EVL: variants seen among roughly 807,000 people sequenced by gnomAD.
EVL encodes ena/VASP-like protein.
In EVL, 21 loss-of-function variants were observed where a neutral mutation model predicts 59.6. The ratio of observed to expected loss-of-function variants is 0.35; its 90% CI spans 0.25 to 0.51. The LOEUF is 0.51. Ranked by LOEUF, EVL falls within the 20% of genes least tolerant of loss-of-function variation. The pLI, the probability that EVL is intolerant of heterozygous loss-of-function variation, is 0.97. For synonymous variants in EVL, 198 were observed against 203.5 expected, an observed-to-expected ratio of 0.97 and a Z score of 0.23; for missense variants, 462 against 546.6, an observed-to-expected ratio of 0.85 and a Z score of 1.54.
rs918150928 is a variant in EVL at position 100,141,501 on chromosome 14, C to T, written c.1162-235C>T. Among the ~76,000 whole-genome samples the T allele has an allele frequency of 2.0e-5, 3 of 152,212 alleles. No individual in the cohort carries two copies. The South Asian group carries it at 6.2e-4, about 31-fold the overall frequency. On this transcript the variant is annotated intron_variant, in intron 12 of 13. Transcript: ENST00000392920. ...GGCCTGCCTCTGGGGCTTTCTGCCC[C>T]GAGGAAGCCCTTAGTTTCAGTGGCG...
intron 1 of EVL, among the ~76,000 whole-genome samples, chr14:100,042,558 T>A (rs1239560055): frequency 6.6e-6 from 1 of 152,180 alleles, no homozygotes; most frequent in Non-Finnish European, 1.5e-5. Flanking sequence ...CCCAGCGACC[T>A]CTGGCCAGGG....
At chr14:100,016,525 C>G (rs945981885) in intron 1 of EVL, among the ~76,000 whole-genome samples, 2 of 151,852 alleles carry the variant, frequency 1.3e-5, no homozygotes, top group East Asian at 3.9e-4. Flanking sequence ...AAGACTCCGG[C>G]TCAAAAAACA....
At chr14:100,011,224 C>G (rs1191200167) in intron 1 of EVL, among the ~76,000 whole-genome samples, 2 of 152,102 alleles carry the variant, frequency 1.3e-5, no homozygotes, top group Non-Finnish European at 2.9e-5. Flanking sequence ...ATTGTGTGCC[C>G]TTTCAGTGTC....
At chr14:99,973,195 A>G (rs1033053145) in intron 1 of EVL, among the ~76,000 whole-genome samples, 22 of 152,224 alleles carry the variant, frequency 1.4e-4, no homozygotes, top group Non-Finnish European at 7.3e-5. Context: ...CTTTAGCATT[A>G]GCGGTAAACA....
intron 1 of EVL, among the ~76,000 whole-genome samples, chr14:100,052,515 G>A (rs891617928): frequency 6.6e-6 from 1 of 152,142 alleles, no homozygotes; most frequent in Non-Finnish European, 1.5e-5. Context: ...ACTTTGGGAG[G>A]CCAAGGCAGG....
At chr14:100,129,446 G>C (rs1415467232) in intron 6 of EVL, 117 bp from the exon 7 acceptor site, 10 of 1,454,372 alleles carry the variant, frequency 6.9e-6, no homozygotes, top group Middle Eastern at 1.8e-4. Context: ...GAGGCCCCTT[G>C]CAGTGCTGCT....
intron 1 of EVL, among the ~76,000 whole-genome samples, chr14:100,005,667 A>C (rs1001558491): frequency 6.8e-5 from 10 of 147,132 alleles, no homozygotes; most frequent in South Asian, 2.1e-4. Flanking sequence ...ACACACACAC[A>C]CACCCCTTGG....
At chr14:100,043,136 T>C (rs944550064) in intron 1 of EVL, among the ~76,000 whole-genome samples, 1 of 152,086 alleles carries the variant, frequency 6.6e-6, no homozygotes, top group Non-Finnish European at 1.5e-5. Flanking sequence ...GTTTTATAGA[T>C]CACTGAAATC....
intron 1 of EVL, among the ~76,000 whole-genome samples, chr14:99,985,131 CAG>C (rs945800383): frequency 1.3e-5 from 2 of 148,628 alleles, no homozygotes; most frequent in African/African-American, 5.0e-5. Flanking sequence ...TTTTGCTTGA[CAG>C]ATATATATAT....
chr14:100,137,682 T>A (rs760879197), intron 10 of EVL, 38 bp downstream of exon 10: 1 of 1,613,932 alleles, frequency 6.2e-7, no homozygotes, highest in Admixed American at 1.7e-5. Context: ...GCGAGGCTGG[T>A]GGGGCAGAGG....
chr14:100,076,720 A>G (rs886249335), intron 1 of EVL, among the ~76,000 whole-genome samples: 3 of 152,210 alleles, frequency 2.0e-5, no homozygotes, highest in African/African-American at 4.8e-5. Context: ...GAGCCACAGC[A>G]GAGGCCACAG....
intron 3 of EVL, among the ~76,000 whole-genome samples, chr14:100,101,799 A>C (rs1160131811): frequency 1.3e-5 from 2 of 152,184 alleles, no homozygotes; most frequent in African/African-American, 4.8e-5. Flanking sequence ...TACTCTCATT[A>C]ATCTTTGTAA....
chr14:99,982,394 G>T (rs1274724020), intron 1 of EVL, among the ~76,000 whole-genome samples: 1 of 152,098 alleles, frequency 6.6e-6, no homozygotes, highest in African/African-American at 2.4e-5. Context: ...GGACCAAAGG[G>T]TATAAACATT....
chr14:100,008,163 A>AGG (rs2060995332), intron 1 of EVL, among the ~76,000 whole-genome samples: 1 of 152,150 alleles, frequency 6.6e-6, no homozygotes, highest in African/African-American at 2.4e-5. Context: ...GGCTTGTTAA[A>AGG]ACAGTGCTGG....
At chr14:100,129,759 G>A (rs1448504882) in intron 7 of EVL, 75 bp downstream of exon 7, 7 of 1,447,222 alleles carry the variant, frequency 4.8e-6, no homozygotes, top group African/African-American at 1.4e-5. Context: ...GCTGCACAGA[G>A]AATCCTCTCT....
intron 2 of EVL, among the ~76,000 whole-genome samples, chr14:100,089,358 C>T (rs1485198273): frequency 6.6e-6 from 1 of 152,124 alleles, no homozygotes; most frequent in African/African-American, 2.4e-5. Context: ...AAAACATTTA[C>T]CAAAATAGAC....
At chr14:100,082,379 C>T (rs2062330487) in intron 1 of EVL, among the ~76,000 whole-genome samples, 1 of 152,054 alleles carries the variant, frequency 6.6e-6, no homozygotes, top group Non-Finnish European at 1.5e-5. Context: ...ACTGGGATGG[C>T]GAGGGGACTG....
intron 1 of EVL, among the ~76,000 whole-genome samples, chr14:100,016,135 T>C (rs1222612014): frequency 1.3e-5 from 2 of 152,050 alleles, no homozygotes; most frequent in African/African-American, 4.8e-5. Context: ...CATCTGGCTA[T>C]TCTTTCATGG....
chr14:100,065,270 G>T, upstream of EVL: 1 of 272,482 alleles, frequency 3.7e-6, no homozygotes, highest in Non-Finnish European at 6.7e-6. Flanking sequence ...CGCTGGTGGG[G>T]CTCTGCAGTG....
Sources: allele counts gnomAD v4.1 joint callset (sites outside exome capture counted in the v4.1 genomes callset), GRCh38; gene constraint gnomAD v4.1.1; transcripts MANE v1.5; gene names NCBI Gene and HGNC (gene_info 2026-07-23, HGNC 2026-07-21).